Variants in UNC13C observed in about 807,000 individuals in gnomAD.
UNC13C encodes the protein protein unc-13 homolog C.
Under a neutral mutation model 245.4 loss-of-function variants are expected in UNC13C, and 174 were observed. The observed-to-expected ratio is 0.71, with a 90% CI of 0.63 to 0.80. The LOEUF (loss-of-function observed/expected upper bound fraction) is 0.80. UNC13C is among the 30% of genes least tolerant of loss of function. The pLI is 0.00. For synonymous variants in UNC13C, 992 were observed against 895.1 expected (o/e 1.11, Z -1.93); for missense variants, 2,829 against 2,602.9 (o/e 1.09, Z -1.89).
Position 54,175,669 on chromosome 15 carries a change from C to A in UNC13C, c.3071+31985C>A, listed in dbSNP as rs373655105. Among the ~76,000 whole-genome samples, 59 of 152,046 alleles carry A rather than the reference C, an allele frequency of 3.9e-4. No individual in the cohort carries two copies. In the South Asian group the frequency reaches 0.012, roughly 30 times the overall value. ...CTGGGACTACAGGCACCCACCACCACGCCCAGCTAATTTTTGTATTTTTAA... is the reference window on the plus strand; with the variant it reads ...CTGGGACTACAGGCACCCACCACCAAGCCCAGCTAATTTTTGTATTTTTAA... On this transcript the variant is annotated intron_variant, in intron 4 of 32. Transcript: ENST00000260323.
intron 1 of UNC13C, among the ~76,000 whole-genome samples, chr15:54,002,866 TG>T (rs1431110753): frequency 2.0e-5 from 3 of 152,130 alleles, no homozygotes; most frequent in Non-Finnish European, 4.4e-5. Flanking sequence ...TGCCAAACCC[TG>T]GGATGTGATT....
chr15:54,505,786 A>C (rs1361838289), intron 22 of UNC13C, among the ~76,000 whole-genome samples: 1 of 129,414 alleles, frequency 7.7e-6, no homozygotes, highest in Admixed American at 9.3e-5. Context: ...TCTGTCGCCC[A>C]GGCTGGATAT....
At chr15:54,166,976 C>G (rs2033183536) in intron 4 of UNC13C, among the ~76,000 whole-genome samples, 1 of 152,106 alleles carries the variant, frequency 6.6e-6, no homozygotes, top group African/African-American at 2.4e-5. Context: ...AATTGACAAT[C>G]TGGTTCTAAA....
chr15:54,612,539 A>T (rs1900169736), intron 30 of UNC13C, among the ~76,000 whole-genome samples: 1 of 152,038 alleles, frequency 6.6e-6, no homozygotes, highest in African/African-American at 2.4e-5. Context: ...CCACATACAG[A>T]TATCAAATGA....
the UNC13C span, among the ~76,000 whole-genome samples, chr15:53,839,286 T>C: frequency 1.3e-5 from 2 of 152,102 alleles, no homozygotes; most frequent in African/African-American, 4.8e-5. Flanking sequence ...TCTTTACTTA[T>C]AACAAGATGA....
intron 2 of UNC13C, among the ~76,000 whole-genome samples, chr15:54,096,501 TG>T (rs1899871532): frequency 6.6e-6 from 1 of 152,234 alleles, no homozygotes; most frequent in Non-Finnish European, 1.5e-5. Flanking sequence ...CTGTATTTAC[TG>T]TCTCTAATTC....
chr15:54,256,912 C>T (rs1418932234), intron 8 of UNC13C, among the ~76,000 whole-genome samples: 1 of 152,172 alleles, frequency 6.6e-6, no homozygotes, highest in Non-Finnish European at 1.5e-5. Context: ...CCTTGTTTGT[C>T]TTACTTTAAC....
chr15:54,427,609 T>G (rs7173784), intron 19 of UNC13C, among the ~76,000 whole-genome samples: 27,720 of 151,792 alleles, frequency 0.18, 2,603 homozygotes, highest in African/African-American at 0.23. Flanking sequence ...ATGTATACAC[T>G]TACATATTTG....
chr15:54,491,754 G>A (rs1346820362), intron 19 of UNC13C, among the ~76,000 whole-genome samples: 1 of 152,078 alleles, frequency 6.6e-6, no homozygotes, highest in African/African-American at 2.4e-5. Flanking sequence ...TGTAATCCCA[G>A]TACTTTGGGA....
chr15:53,868,970 C>T, the UNC13C span, among the ~76,000 whole-genome samples: 3 of 151,820 alleles, frequency 2.0e-5, no homozygotes, highest in East Asian at 3.9e-4. Flanking sequence ...TTTAGTCGGG[C>T]GTGGTGGTGC....
rs1596712669 is a variant in UNC13C, at chr15:54,627,199, C to T, written c.*86C>T. 4 of 1,344,398 alleles carry T rather than the reference C, an allele frequency of 3.0e-6. 1 individual carries two copies. In the South Asian group the frequency reaches 4.4e-5, roughly 15 times the overall value. 83.3% of individuals were successfully genotyped at this position (1,344,398 alleles called of 1,614,324 possible). ...ATACATGGGAATGTTTAGTTCACTACATTTCAATGTTTGCCAGTACTCATG... is the reference window on the plus strand; with the variant it reads ...ATACATGGGAATGTTTAGTTCACTATATTTCAATGTTTGCCAGTACTCATG... On this transcript the variant is annotated 3_prime_UTR_variant, in exon 33 of 33. Transcript: ENST00000260323.
intron 11 of UNC13C, among the ~76,000 whole-genome samples, chr15:54,296,287 G>C (rs1567167559): frequency 6.6e-6 from 1 of 151,846 alleles, no homozygotes; most frequent in South Asian, 2.1e-4. Context: ...TGCAAGCTCC[G>C]CCTCCCAGGT....
intron 2 of UNC13C, among the ~76,000 whole-genome samples, chr15:54,042,376 A>T (rs932080156): frequency 4.6e-5 from 7 of 152,214 alleles, no homozygotes; most frequent in Non-Finnish European, 4.4e-5. Context: ...ACACACCTGC[A>T]GGTTTAGGCA....
intron 17 of UNC13C, among the ~76,000 whole-genome samples, chr15:54,389,100 T>A (rs921301072): frequency 4.6e-5 from 7 of 152,192 alleles, no homozygotes; most frequent in Non-Finnish European, 8.8e-5. Flanking sequence ...CACAAAACTT[T>A]TCATGATTTG....
intron 12 of UNC13C, 126 bp downstream of exon 12, chr15:54,298,052 C>G (rs1697625783): frequency 1.5e-6 from 1 of 668,376 alleles, no homozygotes; most frequent in South Asian, 2.0e-5. Context: ...TGACTCTATA[C>G]TACAGCAGGT....
At chr15:53,992,930 T>C (rs891184308) in intron 1 of UNC13C, among the ~76,000 whole-genome samples, 1 of 152,124 alleles carries the variant, frequency 6.6e-6, no homozygotes, top group Non-Finnish European at 1.5e-5. Context: ...AGAGTATGTA[T>C]GCACTAATTC....
intron 2 of UNC13C, among the ~76,000 whole-genome samples, chr15:54,073,267 T>C (rs1010652040): frequency 6.6e-6 from 1 of 152,192 alleles, no homozygotes. Flanking sequence ...ACATTTTCTT[T>C]ATCTAGTTTA....
At chr15:54,133,310 A>G (rs148446735) in intron 2 of UNC13C, among the ~76,000 whole-genome samples, 306 of 152,330 alleles carry the variant, frequency 2.0e-3, no homozygotes, top group African/African-American at 7.1e-3. Flanking sequence ...GATCTAATAC[A>G]CAGGAGACAC....
intron 2 of UNC13C, among the ~76,000 whole-genome samples, chr15:54,081,348 C>T (rs970760860): frequency 6.6e-5 from 10 of 151,986 alleles, no homozygotes; most frequent in African/African-American, 2.4e-4. Context: ...ACTTTATTAG[C>T]TTATGCTTTG....
Sources: gnomAD v4.1 joint callset for allele counts (sites outside exome capture counted in the v4.1 genomes callset) on GRCh38, gnomAD v4.1.1 for gene constraint, MANE v1.5 for transcripts, NCBI Gene and HGNC (gene_info 2026-07-23, HGNC 2026-07-21) for gene names.